Variants in MYO9A observed in about 807,000 individuals in gnomAD.
MYO9A encodes the protein unconventional myosin-IXa.
Under a neutral mutation model 293.3 loss-of-function variants are expected in MYO9A, and 103 were observed. That is an observed-to-expected ratio of 0.35 (90% CI 0.30 to 0.41). MYO9A has a LOEUF of 0.41. Among genes scored for constraint, MYO9A ranks in the 10% least tolerant of loss-of-function variants. MYO9A has a pLI of 1.00. For missense variants in MYO9A, 2,685 were observed against 3,033.0 expected (o/e 0.89, Z 2.69); for synonymous variants, 1,001 against 1,035.7 (o/e 0.97, Z 0.64).
intron 19 of MYO9A, among the ~76,000 whole-genome samples, chr15:71,907,166 T>A (rs998650630): frequency 6.6e-6 from 1 of 150,574 alleles, no homozygotes; most frequent in African/African-American, 2.5e-5. Context: ...ATTGTTCAAT[T>A]CCCACCTATG....
intron 19 of MYO9A, among the ~76,000 whole-genome samples, chr15:71,909,355 TG>T (rs778123093): frequency 1.3e-5 from 2 of 152,256 alleles, no homozygotes; most frequent in African/African-American, 2.4e-5. Flanking sequence ...TGTACCATTT[TG>T]CATTCCCACC....
chr15:72,100,590 TG>T (rs1170064045), intron 1 of MYO9A, among the ~76,000 whole-genome samples: 3 of 147,862 alleles, frequency 2.0e-5, no homozygotes, highest in African/African-American at 7.6e-5. Flanking sequence ...ATCTGAGATG[TG>T]GGGAGCACCT....
At chr15:72,101,167 T>C (rs1393084079) in intron 1 of MYO9A, among the ~76,000 whole-genome samples, 964 of 65,982 alleles carry the variant, frequency 0.015, no homozygotes, top group African/African-American at 0.04. Flanking sequence ...AGGTGAGGGG[T>C]GCCTCTGCCT....
chr15:71,919,540 G>C lies in MYO9A; in HGVS notation c.2563-3048C>G, dbSNP rs554091729. 5.3e-5 allele frequency among the ~76,000 whole-genome samples: 8 copies of C among 152,202 alleles called. No homozygotes were observed. In the East Asian group the frequency reaches 5.8e-4, roughly 11 times the overall value. The stretch of plus-strand genomic sequence containing the variant: ...TTTCTAAAATACTGTCTGGTTTAGA[G>C]TAGGATTCAATAAATATTAGTTTGA... On this transcript the variant is annotated intron_variant, in intron 18 of 41. Transcript: ENST00000356056.
intron 39 of MYO9A, among the ~76,000 whole-genome samples, chr15:71,833,872 CTACTT>C (rs1226392115): frequency 6.6e-6 from 1 of 151,948 alleles, no homozygotes; most frequent in Non-Finnish European, 1.5e-5. Context: ...TAAGCTCTGT[CTACTT>C]TAAAGTTACA....
At chr15:71,947,248 C>CTCCA (rs1045173679) in intron 15 of MYO9A, among the ~76,000 whole-genome samples, 4 of 150,268 alleles carry the variant, frequency 2.7e-5, no homozygotes, top group Non-Finnish European at 5.9e-5. Flanking sequence ...TGCCACTGCA[C>CTCCA]TCCAGCCTGT....
rs150886312 is a variant in MYO9A, at chr15:71,898,547, C to T, written c.3956G>A (p.Arg1319Gln). 37 of 1,613,904 alleles carry T rather than the reference C, an allele frequency of 2.3e-5. No homozygotes were observed. The highest frequency in any genetic ancestry group is 1.3e-4 in the South Asian group (12 of 91,082). Residue 1319 changes from arginine (R) to glutamine (Q), a missense_variant, in exon 25 of 42, where the codon CGG becomes CAG. Around this residue, in one of 10 missense-constraint regions of MYO9A, gnomAD observed 1,434 missense variants for 1,497.7 expected, o/e 0.96. Coordinates refer to ENST00000356056, the MANE Select transcript of MYO9A (RefSeq NM_006901.4). ...AGAGCTCTCACTATCAGGTGTACCCCGTGGAGACTGAAGGCCTTCAGGCAC... is the reference window on the plus strand; with the variant it reads ...AGAGCTCTCACTATCAGGTGTACCCTGTGGAGACTGAAGGCCTTCAGGCAC... The part of the protein sequence containing the change: ...ELVPEGLQSP[R>Q]GTPDSESSQG...
intron 39 of MYO9A, among the ~76,000 whole-genome samples, chr15:71,846,466 G>C (rs1467822065): frequency 6.6e-6 from 1 of 152,216 alleles, no homozygotes; most frequent in East Asian, 1.9e-4. Flanking sequence ...CTGGGAGGAA[G>C]TGAGAAGAGC....
intron 15 of MYO9A, among the ~76,000 whole-genome samples, chr15:71,948,654 C>T (rs1033525770): frequency 6.6e-6 from 1 of 152,212 alleles, no homozygotes; most frequent in Non-Finnish European, 1.5e-5. Flanking sequence ...CCAACCCCTA[C>T]TATAGACCCA....
intron 1 of MYO9A, among the ~76,000 whole-genome samples, chr15:72,083,422 A>G (rs940315819): frequency 6.6e-6 from 1 of 151,952 alleles, no homozygotes; most frequent in African/African-American, 2.4e-5. Context: ...TTATTAGTTT[A>G]GCAAGCAATC....
At chr15:72,038,356 T>C (rs1025632774) in intron 2 of MYO9A, among the ~76,000 whole-genome samples, 6 of 152,166 alleles carry the variant, frequency 3.9e-5, no homozygotes, top group Non-Finnish European at 8.8e-5. Flanking sequence ...AATACAGAAT[T>C]CTTAAATGCA....
chr15:71,936,407 T>G (rs896707562), intron 16 of MYO9A, among the ~76,000 whole-genome samples: 1 of 152,078 alleles, frequency 6.6e-6, no homozygotes, highest in African/African-American at 2.4e-5. Flanking sequence ...TGGTCCTCTA[T>G]TGCACAATGA....
At chr15:72,042,674 A>G (rs1346010112) in intron 2 of MYO9A, among the ~76,000 whole-genome samples, 3 of 152,056 alleles carry the variant, frequency 2.0e-5, no homozygotes, top group African/African-American at 7.2e-5. Flanking sequence ...GCAAGAAAAA[A>G]AAAAAAAGAC....
intron 15 of MYO9A, among the ~76,000 whole-genome samples, chr15:71,944,662 A>C (rs1158939976): frequency 6.6e-6 from 1 of 152,158 alleles, no homozygotes; most frequent in East Asian, 1.9e-4. Flanking sequence ...CTGACTGTGT[A>C]TGTGTAGATC....
At chr15:71,870,410 A>G (rs776398472) in intron 32 of MYO9A, among the ~76,000 whole-genome samples, 1 of 152,240 alleles carries the variant, frequency 6.6e-6, no homozygotes, top group Non-Finnish European at 1.5e-5. Context: ...AAAATATGCA[A>G]CAATAGCCTT....
At position 71,855,638 on chromosome 15, in the gene MYO9A, T is replaced by C. The variant is rs1182753912; in HGVS notation, c.6154-1069A>G. 3.9e-5 allele frequency among the ~76,000 whole-genome samples: 6 copies of C among 152,282 alleles called. No homozygotes were observed. The East Asian group carries it at 1.2e-3, about 29-fold the overall frequency. On this transcript the variant is annotated intron_variant, in intron 34 of 41. Transcript: ENST00000356056. ...CTAACTATATATTCCATTTTCTCCT[T>C]TAACCTGCATCCAACCAGTTGCCAA...
chr15:72,033,395 A>G (rs189865095), intron 2 of MYO9A, among the ~76,000 whole-genome samples: 5 of 152,292 alleles, frequency 3.3e-5, no homozygotes, highest in Admixed American at 3.3e-4. Flanking sequence ...TATTTAAAAC[A>G]AAGCTAGAGT....
intron 11 of MYO9A, among the ~76,000 whole-genome samples, chr15:71,980,791 T>C (rs1018150166): frequency 6.6e-6 from 1 of 152,164 alleles, no homozygotes; most frequent in Non-Finnish European, 1.5e-5. Flanking sequence ...TGAGCTATGA[T>C]TGCGCCACTG....
At chr15:72,095,923 T>C (rs1404055280) in intron 1 of MYO9A, among the ~76,000 whole-genome samples, 3 of 151,766 alleles carry the variant, frequency 2.0e-5, no homozygotes, top group African/African-American at 4.8e-5. Flanking sequence ...TTATAAAAAA[T>C]ACAAAAATTA....
Sources: gnomAD v4.1 joint callset for allele counts (sites outside exome capture counted in the v4.1 genomes callset) on GRCh38, gnomAD v4.1.1 for gene constraint, gnomAD v4.1.1 regional missense constraint, MANE v1.5 for transcripts, NCBI Gene and HGNC (gene_info 2026-07-23, HGNC 2026-07-21) for gene names.